Variants in PHLDB1 observed in about 807,000 individuals in gnomAD.
PHLDB1 encodes the protein pleckstrin homology-like domain family B member 1.
Under a neutral mutation model 139.3 loss-of-function variants are expected in PHLDB1, and 65 were observed. The observed-to-expected ratio is 0.47, with a 90% CI of 0.38 to 0.57. The LOEUF is 0.57. PHLDB1 is among the 20% of genes least tolerant of loss of function. The pLI is 0.00. For synonymous variants in PHLDB1, 679 were observed against 734.5 expected, an observed-to-expected ratio of 0.92 and a Z score of 1.22; for missense variants, 1,624 against 1,839.7, an observed-to-expected ratio of 0.88 and a Z score of 2.14.
rs939335254 is a variant in PHLDB1, at chr11:118,627,826, C to T, written c.1003C>T (p.Pro335Ser). 1.9e-5 allele frequency: 30 copies of T among 1,606,028 alleles called. No individual in the cohort carries two copies. The highest frequency in any genetic ancestry group is 2.7e-5 in the African/African-American group (2 of 74,914). The part of the protein sequence containing the change: ...PGLRGLLTDS[P>S]AATVLAEARR... Reference sequence around the variant, plus strand: ...CCTCCGGGGTCTGCTGACAGACAGCCCTGCAGCTACTGTCTTGGCGGAGGC... The same window carrying T: ...CCTCCGGGGTCTGCTGACAGACAGCTCTGCAGCTACTGTCTTGGCGGAGGC... Residue 335 changes from proline to serine, a missense_variant, in exon 6 of 23, where the codon CCT (proline) becomes TCT (serine). Physicochemically the swap from Pro to Ser is moderately conservative, Grantham distance 74. Coordinates refer to ENST00000600882, the MANE Select transcript of PHLDB1 (RefSeq NM_001144758.3).
Position 118,610,045 on chromosome 11 carries a change from T to C in PHLDB1, c.-22+2346T>C, listed in dbSNP as rs1387141896. On this transcript the variant is annotated intron_variant, in intron 1 of 22. Coordinates refer to ENST00000600882, the MANE Select transcript of PHLDB1 (RefSeq NM_001144758.3). This position sits in a 1 kb window ranked among gnomAD's most constrained non-coding sequence, Gnocchi z 8.7. ...CCCGTCAGCCTCCCCTCCGCTGCCC[T>C]CGCGCATCCCCAGTGTTCCCGTCTG... Among the ~76,000 whole-genome samples, 1 of 146,242 alleles carries C rather than the reference T, an allele frequency of 6.8e-6. No homozygotes were observed. Among genetic ancestry groups the C allele is most frequent in the Non-Finnish European group, 1.5e-5 (1 of 66,742 alleles).
At chr11:118,648,498 G>A (rs1947902719) in intron 18 of PHLDB1, among the ~76,000 whole-genome samples, 1 of 152,034 alleles carries the variant, frequency 6.6e-6, no homozygotes, top group Non-Finnish European at 1.5e-5. Context: ...AGCCTGCGCT[G>A]CACCTTCCCG....
chr11:118,628,332 G>A lies in PHLDB1; in HGVS notation c.1509G>A (p.Glu503=). 1 of 1,612,830 alleles carries A rather than the reference G, an allele frequency of 6.2e-7. No homozygotes were observed. The highest frequency in any genetic ancestry group is 8.5e-7 in the Non-Finnish European group (1 of 1,179,532). ...RRWAAHGASP[E]DFSLTLGARG... ...GGGCAGCCCATGGGGCTTCACCAGA[G>A]GACTTCTCCCTGACGCTGGGGGCAC... The change falls in exon 6 of 23, where the codon GAG becomes GAA. Residue 503 remains glutamate (E), a synonymous_variant. Coordinates refer to ENST00000600882, the MANE Select transcript of PHLDB1 (RefSeq NM_001144758.3).
intron 3 of PHLDB1, 195 bp downstream of exon 3, chr11:118,614,877 G>A (rs1285205653): frequency 1.8e-6 from 1 of 564,522 alleles, no homozygotes; most frequent in Non-Finnish European, 3.2e-6. Context: ...CTGGTTCCAC[G>A]ACTGGGCTTA....
intron 6 of PHLDB1, among the ~76,000 whole-genome samples, chr11:118,630,674 C>G (rs1278756404): frequency 6.6e-6 from 1 of 152,068 alleles, no homozygotes; most frequent in African/African-American, 2.4e-5. Context: ...CTGTACTTGC[C>G]TATTAATGCA....
chr11:118,611,338 C>A lies in PHLDB1; in HGVS notation c.-21-2478C>A, dbSNP rs781930432. On this transcript the variant is annotated intron_variant, in intron 1 of 22. Coordinates refer to ENST00000600882, the MANE Select transcript of PHLDB1 (RefSeq NM_001144758.3). This position sits in a 1 kb window ranked among gnomAD's most constrained non-coding sequence, Gnocchi z 4.7. ...CCCCACACCTCTCTCCTTATCTCTC[C>A]CTTTACTTTCGCCTCCTTATTCTCT... 1.9e-4 allele frequency among the ~76,000 whole-genome samples: 29 copies of A among 152,210 alleles called. No homozygotes were observed. Among genetic ancestry groups the A allele is most frequent in the Non-Finnish European group, 2.9e-4 (20 of 68,028 alleles).
At position 118,632,469 on chromosome 11, in the gene PHLDB1, C is replaced by A; in HGVS notation, c.2379+173C>A. ...TCTCCTCCTCTGTGGAAGGAACCAG[C>A]TTGGAGGGCACTGCCAGGGGCTGGG... On this transcript the variant is annotated intron_variant, in intron 9 of 22. Coordinates refer to ENST00000600882, the MANE Select transcript of PHLDB1 (RefSeq NM_001144758.3). This position sits in a 1 kb window ranked among gnomAD's most constrained non-coding sequence, Gnocchi z 5.9. 1.4e-6 allele frequency: 1 copy of A among 707,010 alleles called. No homozygotes were observed. 43.8% of individuals were successfully genotyped at this position (707,010 alleles called of 1,614,324 possible). A position where few individuals can be genotyped will look rare whatever the true frequency, so the allele number is the denominator to read the frequency against.
intron 10 of PHLDB1, among the ~76,000 whole-genome samples, chr11:118,636,138 T>C (rs1433681162): frequency 6.6e-6 from 1 of 152,128 alleles, no homozygotes; most frequent in African/African-American, 2.4e-5. Context: ...TGTGTATGTT[T>C]GGGGAGTAAA....
chr11:118,610,306 C>A lies in PHLDB1; in HGVS notation c.-22+2607C>A, dbSNP rs2135615110. On this transcript the variant is annotated intron_variant, in intron 1 of 22. Coordinates refer to ENST00000600882, the MANE Select transcript of PHLDB1 (RefSeq NM_001144758.3). The surrounding 1 kb of genome is among the most constrained non-coding windows in gnomAD (Gnocchi z 8.7). ...GTCAGGTTTTTCTCATCCTTAAGTT[C>A]TCTCGTCCCCCTCCCCACTCGGGCG... is the stretch of plus-strand genomic sequence containing the variant. 1 of 225,364 alleles carries A rather than the reference C, an allele frequency of 4.4e-6. No homozygotes were observed. Among genetic ancestry groups the A allele is most frequent in the Non-Finnish European group, 7.4e-6 (1 of 135,156 alleles). 14.0% of individuals were successfully genotyped at this position (225,364 alleles called of 1,614,324 possible). A position where few individuals can be genotyped will look rare whatever the true frequency, so the allele number is the denominator to read the frequency against.
Position 118,650,369 on chromosome 11 carries a change from A to G in PHLDB1, c.3772-76A>G. On this transcript the variant is annotated intron_variant, in intron 19 of 22. Coordinates refer to ENST00000600882, the MANE Select transcript of PHLDB1 (RefSeq NM_001144758.3). The surrounding 1 kb of genome is among the most constrained non-coding windows in gnomAD (Gnocchi z 4.7). Reference sequence around the variant, plus strand: ...GTTGGGGACAATCCCCCATGAATACAGGCACAGGCGATGGCACACACTTAA... The same window carrying G: ...GTTGGGGACAATCCCCCATGAATACGGGCACAGGCGATGGCACACACTTAA... 1.5e-5 allele frequency: 16 copies of G among 1,087,384 alleles called. No homozygotes were observed. The highest frequency in any genetic ancestry group is 4.3e-6 in the Non-Finnish European group (3 of 699,554). 67.4% of individuals were successfully genotyped at this position (1,087,384 alleles called of 1,614,324 possible). A position where few individuals can be genotyped will look rare whatever the true frequency, so the allele number is the denominator to read the frequency against.
At chr11:118,639,784 C>T in intron 12 of PHLDB1, 4 of 267,218 alleles carry the variant, frequency 1.5e-5, no homozygotes, top group Non-Finnish European at 2.3e-5. Flanking sequence ...CCTCACTACA[C>T]AAACAATTTA....
At position 118,631,213 on chromosome 11, in the gene PHLDB1, C is replaced by T. The variant is rs1177366476; in HGVS notation, c.1834C>T (p.Gln612Ter). ...REQEMERLER[Q>*]RLETILNLCA... ...CTCTGTCCATCCTCCCCAGGAACGC[C>T]AGCGCCTGGAGACCATCCTGAACCT... The change falls in exon 7 of 23, where the codon CAG becomes TAG. Residue 612 changes from glutamine to a stop codon, truncating the protein, a stop_gained. Coordinates refer to ENST00000600882, the MANE Select transcript of PHLDB1 (RefSeq NM_001144758.3). LOFTEE classifies it high-confidence loss of function. The T allele has an allele frequency of 2.1e-6, 3 of 1,423,842 alleles. No homozygotes were observed. In the African/African-American group the frequency reaches 4.4e-5, roughly 21 times the overall value. 88.2% of individuals were successfully genotyped at this position (1,423,842 alleles called of 1,614,324 possible). A position where few individuals can be genotyped will look rare whatever the true frequency, so the allele number is the denominator to read the frequency against.
Position 118,628,089 on chromosome 11 carries a change from C to A in PHLDB1, c.1266C>A (p.Arg422=), listed in dbSNP as rs782195751. Residue 422 remains arginine, a synonymous_variant, in exon 6 of 23, where the codon CGC becomes CGA. Coordinates refer to ENST00000600882, the MANE Select transcript of PHLDB1 (RefSeq NM_001144758.3). Reference sequence around the variant, plus strand: ...GGGTGCTAACAACCAGCCCCTCACGCCAACTGGTGGGCCGAACATTTTCAG... The same window carrying A: ...GGGTGCTAACAACCAGCCCCTCACGACAACTGGTGGGCCGAACATTTTCAG... ...SERVLTTSPS[R]QLVGRTFSDG... 1 of 1,613,990 alleles carries A rather than the reference C, an allele frequency of 6.2e-7. No individual in the cohort carries two copies. The highest frequency in any genetic ancestry group is 8.5e-7 in the Non-Finnish European group (1 of 1,180,040).
rs782226328 is a variant in PHLDB1, at chr11:118,628,034, G to A, written c.1211G>A (p.Ser404Asn). The stretch of plus-strand genomic sequence containing the variant: ...GGCACACTCCAGGACCGCCCTCCCA[G>A]CCCTTTCCGTGAGCCTCCAGGCAGT... ...KIGTLQDRPP[S>N]PFREPPGSER... The change falls in exon 6 of 23, where the codon AGC (serine) becomes AAC (asparagine). Residue 404 changes from serine (S) to asparagine (N), a missense_variant. Coordinates refer to ENST00000600882, the MANE Select transcript of PHLDB1 (RefSeq NM_001144758.3). 1.9e-6 allele frequency: 3 copies of A among 1,613,936 alleles called. No homozygotes were observed. Among genetic ancestry groups the A allele is most frequent in the South Asian group, 2.2e-5 (2 of 91,080 alleles).
chr11:118,618,266 T>C (rs1942058466), intron 4 of PHLDB1, among the ~76,000 whole-genome samples: 1 of 152,036 alleles, frequency 6.6e-6, no homozygotes. Context: ...TGGCAGCCTG[T>C]GGAGGGGTAG....
chr11:118,654,347 T>A (rs902210554), intron 20 of PHLDB1: 17 of 152,248 alleles, frequency 1.1e-4, no homozygotes, highest in African/African-American at 4.1e-4. Context: ...TATATGTATA[T>A]GCTAACTGCT....
chr11:118,627,246 C>G (rs574746350), intron 5 of PHLDB1, 59 bp from the exon 6 acceptor site: 2 of 1,556,812 alleles, frequency 1.3e-6, no homozygotes, highest in Non-Finnish European at 1.8e-6. Context: ...GGGGCTAGTG[C>G]TCTGGCTTTT....
rs1422604911 is a variant in PHLDB1 at position 118,632,029 on chromosome 11, G to A, written c.2217G>A (p.Gln739=). ...QLKVRVKELE[Q]QLQESAREAE... is the part of the protein sequence containing the mutation. ...AGGTCCGTGTGAAGGAGCTAGAGCA[G>A]CAGCTGCAGGAGTCAGCCCGAGAGG... The change falls in exon 8 of 23, where the codon CAG becomes CAA. Residue 739 remains glutamine (Q), a synonymous_variant. Coordinates refer to ENST00000600882, the MANE Select transcript of PHLDB1 (RefSeq NM_001144758.3). This position sits in a 1 kb window ranked among gnomAD's most constrained non-coding sequence, Gnocchi z 5.9. The A allele has an allele frequency of 1.9e-6, 3 of 1,613,982 alleles. No homozygotes were observed. The highest frequency in any genetic ancestry group is 2.5e-6 in the Non-Finnish European group (3 of 1,179,974).
intron 10 of PHLDB1, among the ~76,000 whole-genome samples, chr11:118,636,374 G>C (rs112998460): frequency 0.011 from 1,732 of 152,256 alleles, 35 homozygotes; most frequent in African/African-American, 0.039. Flanking sequence ...GTTAGCCTGG[G>C]GTTGGTGGTA....
Sources: allele counts gnomAD v4.1 joint callset (sites outside exome capture counted in the v4.1 genomes callset), GRCh38; gene constraint gnomAD v4.1.1; non-coding constraint Gnocchi (gnomAD v3.1); transcripts MANE v1.5; gene names NCBI Gene and HGNC (gene_info 2026-07-23, HGNC 2026-07-21).